Variants in AP4E1 observed in about 807,000 individuals in gnomAD.
The protein encoded by AP4E1 is adaptor related protein complex 4 subunit epsilon 1.
AP4E1 carries 56 observed loss-of-function variants against 128.2 expected under a neutral mutation model. The ratio of observed to expected loss-of-function variants is 0.44; its 90% CI spans 0.35 to 0.55. AP4E1 has a LOEUF of 0.55. Ranked by LOEUF, AP4E1 falls within the 20% of genes least tolerant of loss-of-function variation. The pLI, the probability that AP4E1 is intolerant of heterozygous loss-of-function variation, is 0.00. For missense variants in AP4E1, 1,324 were observed against 1,307.7 expected, an observed-to-expected ratio of 1.01 and a Z score of -0.19; for synonymous variants, 484 against 473.1, an observed-to-expected ratio of 1.02 and a Z score of -0.30.
In AP4E1 at chr15:51,002,990, C is replaced by G. The variant is rs1349465890; in HGVS notation, c.*328C>G. 4.6e-6 allele frequency: 1 copy of G among 218,682 alleles called. No homozygotes were observed. The highest frequency in any genetic ancestry group is 9.2e-6 in the Non-Finnish European group (1 of 108,296). 13.5% of individuals were successfully genotyped at this position (218,682 alleles called of 1,614,324 possible). On this transcript the variant is annotated 3_prime_UTR_variant, in exon 21 of 21. Transcript: ENST00000261842. ...TAAATAATTTTATAGCACGTTTACT[C>G]TAGTGCTAGCTAATTTGTAATAAAG...
upstream of AP4E1, among the ~76,000 whole-genome samples, chr15:50,908,371 C>G (rs1288651229): frequency 2.6e-5 from 4 of 152,142 alleles, no homozygotes; most frequent in Non-Finnish European, 5.9e-5. Context: ...GAAAAAGGCG[C>G]AGCCAGGAAG....
At chr15:50,938,292 A>G (rs1360455100) in intron 8 of AP4E1, among the ~76,000 whole-genome samples, 1 of 152,174 alleles carries the variant, frequency 6.6e-6, no homozygotes, top group Non-Finnish European at 1.5e-5. Context: ...CTCTCTCACC[A>G]AAGGACCAAG....
At chr15:50,950,788 T>C (rs1029187308) in intron 13 of AP4E1, among the ~76,000 whole-genome samples, 10 of 152,092 alleles carry the variant, frequency 6.6e-5, no homozygotes, top group Admixed American at 5.9e-4. Flanking sequence ...CCCTCCCTGA[T>C]AGGCGCTGGT....
Position 50,958,470 on chromosome 15 carries a change from T to C in AP4E1, c.1549-22T>C, listed in dbSNP as rs749685549. On this transcript the variant is annotated intron_variant, in intron 13 of 20. Transcript: ENST00000261842. Reference sequence around the variant, plus strand: ...GTATAACTTGATATTTCTATATGAATATCTCTTTGTTTTATTTACAGGTAT... The same window carrying C: ...GTATAACTTGATATTTCTATATGAACATCTCTTTGTTTTATTTACAGGTAT... 1.9e-6 allele frequency: 3 copies of C among 1,584,494 alleles called. No individual in the cohort carries two copies. In the East Asian group the frequency reaches 6.8e-5, roughly 36 times the overall value.
intron 11 of AP4E1, among the ~76,000 whole-genome samples, chr15:50,948,599 C>G (rs1304739803): frequency 6.6e-6 from 1 of 152,128 alleles, no homozygotes; most frequent in African/African-American, 2.4e-5. Flanking sequence ...ACTCTATTAA[C>G]ATGTTACTCT....
intron 13 of AP4E1, among the ~76,000 whole-genome samples, chr15:50,953,533 C>T (rs2064179469): frequency 6.6e-6 from 1 of 152,200 alleles, no homozygotes; most frequent in Non-Finnish European, 1.5e-5. Flanking sequence ...ATTCCTTTGT[C>T]CAGTGTATCC....
chr15:50,932,237 C>G (rs1420645952), intron 7 of AP4E1, among the ~76,000 whole-genome samples: 1 of 152,140 alleles, frequency 6.6e-6, no homozygotes, highest in Non-Finnish European at 1.5e-5. Flanking sequence ...CCTCAGCCTC[C>G]TAAAGTGCTG....
chr15:50,910,235 G>T (rs2063548229), intron 1 of AP4E1, among the ~76,000 whole-genome samples: 1 of 152,154 alleles, frequency 6.6e-6, no homozygotes, highest in African/African-American at 2.4e-5. Context: ...CGCTCACTTC[G>T]GCCTCCCAAA....
intron 14 of AP4E1, among the ~76,000 whole-genome samples, chr15:50,962,556 A>C (rs1474000740): frequency 6.6e-6 from 1 of 152,108 alleles, no homozygotes; most frequent in Non-Finnish European, 1.5e-5. Flanking sequence ...CAGCATGCAG[A>C]ATAATGAAAC....
At chr15:50,928,864 A>C in intron 5 of AP4E1, 145 bp from the exon 6 acceptor site, 1 of 822,098 alleles carries the variant, frequency 1.2e-6, no homozygotes, top group Admixed American at 2.7e-5. Flanking sequence ...TAGAATAAAT[A>C]AATTAATCAC....
At chr15:50,932,073 G>A (rs748968233) in intron 7 of AP4E1, among the ~76,000 whole-genome samples, 1 of 151,728 alleles carries the variant, frequency 6.6e-6, no homozygotes, top group African/African-American at 2.4e-5. Flanking sequence ...TCCACCTCCC[G>A]GATTCAAGAG....
At position 50,997,426 on chromosome 15, in the gene AP4E1, C is replaced by G. The variant is rs746397750; in HGVS notation, c.2447C>G (p.Ser816Cys). ...ETTSTHNMTC[S>C]SFSSLSNVAY... ...ACCAGTACTCATAATATGACCTGTT[C>G]TTCCTTTAGTTCTTTGTCAAATGTG... The change falls in exon 18 of 21, where the codon TCT becomes TGT. Residue 816 changes from serine to cysteine, a missense_variant. Transcript: ENST00000261842. The G allele has an allele frequency of 3.1e-6, 5 of 1,613,300 alleles. No homozygotes were observed. The highest frequency in any genetic ancestry group is 3.3e-5 in the Admixed American group (2 of 59,914).
intron 17 of AP4E1, among the ~76,000 whole-genome samples, chr15:50,995,475 G>T (rs1243783050): frequency 2.7e-5 from 4 of 147,280 alleles, no homozygotes; most frequent in African/African-American, 5.0e-5. Flanking sequence ...TTGGCTCACT[G>T]CAACCTCCGC....
chr15:50,957,437 C>T (rs746983428), intron 13 of AP4E1, among the ~76,000 whole-genome samples: 1 of 151,974 alleles, frequency 6.6e-6, no homozygotes, highest in African/African-American at 2.4e-5. Flanking sequence ...CAGGATGGGG[C>T]AGGGCAGGGC....
chr15:50,960,815 G>C (rs1477011650), intron 14 of AP4E1, among the ~76,000 whole-genome samples: 2 of 145,180 alleles, frequency 1.4e-5, no homozygotes, highest in Non-Finnish European at 3.0e-5. Context: ...ACGTAAAAAA[G>C]ATACAAAAAA....
At chr15:50,932,198 C>T (rs998178879) in intron 7 of AP4E1, among the ~76,000 whole-genome samples, 4 of 152,142 alleles carry the variant, frequency 2.6e-5, no homozygotes, top group Middle Eastern at 3.4e-3. Context: ...AGGCTGGTCT[C>T]GAGCTCCTGA....
chr15:50,950,523 G>A (rs2064134472), intron 13 of AP4E1, among the ~76,000 whole-genome samples: 1 of 152,084 alleles, frequency 6.6e-6, no homozygotes, highest in East Asian at 1.9e-4. Flanking sequence ...TAACCAAATA[G>A]AAGGAGGTTC....
intron 5 of AP4E1, among the ~76,000 whole-genome samples, chr15:50,927,994 ACAT>A (rs1304034801): frequency 6.6e-6 from 1 of 152,224 alleles, no homozygotes; most frequent in East Asian, 1.9e-4. Flanking sequence ...CTTGGAAACT[ACAT>A]CATGAACATA....
At chr15:50,977,474 G>T (rs1176613387) in intron 15 of AP4E1, among the ~76,000 whole-genome samples, 7 of 152,060 alleles carry the variant, frequency 4.6e-5, no homozygotes, top group South Asian at 4.1e-4. Context: ...AAATCTGTGT[G>T]CTTCAAAAGT....
Sources: allele counts gnomAD v4.1 joint callset (sites outside exome capture counted in the v4.1 genomes callset), GRCh38; gene constraint gnomAD v4.1.1; transcripts MANE v1.5; gene names NCBI Gene and HGNC (gene_info 2026-07-23, HGNC 2026-07-21).